C1orf21: variants seen among roughly 807,000 people sequenced by gnomAD.
C1orf21 encodes chromosome 1 open reading frame 21, also known as uncharacterized protein C1orf21.
In C1orf21, 3 loss-of-function variants were observed where a neutral mutation model predicts 18.7. The ratio of observed to expected loss-of-function variants is 0.16; its 90% CI spans 0.07 to 0.42. The LOEUF is 0.42. Ranked by LOEUF, C1orf21 falls within the 10% of genes least tolerant of loss-of-function variation. The pLI, the probability that C1orf21 is intolerant of heterozygous loss-of-function variation, is 0.99. For synonymous variants in C1orf21, 41 were observed against 46.4 expected (o/e 0.88, Z 0.47); for missense variants, 104 against 143.6 (o/e 0.72, Z 1.41).
rs1366565891 is a variant in C1orf21, at chr1:184,625,557, T to C, written c.*6001T>C. ...TAACACACATACACATACACGCGCATACATACATATACAGAGAGATACGTG... is the reference window on the plus strand; with the variant it reads ...TAACACACATACACATACACGCGCACACATACATATACAGAGAGATACGTG... On this transcript the variant is annotated 3_prime_UTR_variant, in exon 6 of 6. Transcript: ENST00000235307. 6.6e-6 allele frequency: 1 copy of C among 152,502 alleles called. No individual in the cohort carries two copies. The allele number at this position is 152,502 out of a possible 1,614,324, so 9.4% of individuals were successfully genotyped here. A position where few individuals can be genotyped will look rare whatever the true frequency, so the allele number is the denominator to read the frequency against.
At chr1:184,554,509 T>C (rs1571412427) in intron 3 of C1orf21, among the ~76,000 whole-genome samples, 1 of 152,230 alleles carries the variant, frequency 6.6e-6, no homozygotes, top group South Asian at 2.1e-4. Flanking sequence ...AAAGGAAATT[T>C]TGCTGTGTTA....
chr1:184,576,914 C>T (rs1300362897), intron 3 of C1orf21, among the ~76,000 whole-genome samples: 1 of 152,128 alleles, frequency 6.6e-6, no homozygotes, highest in African/African-American at 2.4e-5. Context: ...CATCCCCTGC[C>T]GGCCTGCACT....
Position 184,598,840 on chromosome 1 carries a change from G to T in C1orf21, c.327+379G>T, listed in dbSNP as rs527383828. Among the ~76,000 whole-genome samples, 32 of 152,302 alleles carry T rather than the reference G, an allele frequency of 2.1e-4. 1 individual carries two copies. In the South Asian group the frequency reaches 6.6e-3, roughly 32 times the overall value. ...GAAACCTATCGAGGGCCTATGCATG[G>T]CACTGATCTGAGTTCTTTGCAAGCA... On this transcript the variant is annotated intron_variant, in intron 5 of 5. Transcript: ENST00000235307.
At chr1:184,445,422 A>G (rs1571360991) in intron 1 of C1orf21, among the ~76,000 whole-genome samples, 2 of 136,194 alleles carry the variant, frequency 1.5e-5, no homozygotes. Flanking sequence ...TAAACTTTCC[A>G]CTCTTTACCC....
At chr1:184,502,433 G>A (rs1657990208) in intron 2 of C1orf21, among the ~76,000 whole-genome samples, 1 of 152,062 alleles carries the variant, frequency 6.6e-6, no homozygotes, top group South Asian at 2.1e-4. Context: ...AATTTTGGAG[G>A]GAACGTCAAC....
chr1:184,559,925 T>G (rs1658938442), intron 3 of C1orf21, among the ~76,000 whole-genome samples: 1 of 152,132 alleles, frequency 6.6e-6, no homozygotes, highest in Non-Finnish European at 1.5e-5. Flanking sequence ...CTGACTTTTG[T>G]ATTTTTTGTA....
intron 1 of C1orf21, among the ~76,000 whole-genome samples, chr1:184,408,044 T>C (rs532058098): frequency 6.6e-6 from 1 of 152,298 alleles, no homozygotes; most frequent in African/African-American, 2.4e-5. Context: ...ACAGACAGTC[T>C]GAGTTCTCAT....
intron 5 of C1orf21, among the ~76,000 whole-genome samples, chr1:184,617,450 CTTG>C (rs1659845499): frequency 2.6e-5 from 4 of 152,200 alleles, no homozygotes; most frequent in South Asian, 2.1e-4. Context: ...TTGTATGTGT[CTTG>C]TTCCCCAGAT....
At position 184,626,850 on chromosome 1, in the gene C1orf21, C is replaced by T. The variant is rs189318275; in HGVS notation, c.*7294C>T. On this transcript the variant is annotated 3_prime_UTR_variant, in exon 6 of 6. Coordinates refer to ENST00000235307, the MANE Select transcript of C1orf21 (RefSeq NM_030806.4). The stretch of plus-strand genomic sequence containing the variant: ...ATGACCTTCTTTAGAGCCACTAAGG[C>T]GAAAAATACCGTTTGGGACCAGGCT... 328 of 152,602 alleles carry T rather than the reference C, an allele frequency of 2.1e-3. 2 individuals are homozygous for T. The highest frequency in any genetic ancestry group is 2.9e-3 in the East Asian group (15 of 5,164). The allele number at this position is 152,602 out of a possible 1,614,324, so 9.5% of individuals were successfully genotyped here.
At chr1:184,480,579 T>G (rs935153485) in intron 2 of C1orf21, among the ~76,000 whole-genome samples, 1 of 152,206 alleles carries the variant, frequency 6.6e-6, no homozygotes, top group African/African-American at 2.4e-5. Context: ...GAGCTTTGTG[T>G]TAGTCAACTA....
intron 3 of C1orf21, among the ~76,000 whole-genome samples, chr1:184,581,110 C>T (rs923978984): frequency 1.1e-4 from 17 of 152,006 alleles, no homozygotes; most frequent in African/African-American, 1.7e-4. Context: ...CTGTGCTGGT[C>T]GTGTAGTGTG....
rs1456569803 is a variant in C1orf21 at position 184,548,432 on chromosome 1, T to C, written c.189+40750T>C. Among the ~76,000 whole-genome samples the C allele has an allele frequency of 3.3e-5, 5 of 150,360 alleles. No homozygotes were observed. In the East Asian group the frequency reaches 9.8e-4, roughly 30 times the overall value. On this transcript the variant is annotated intron_variant, in intron 3 of 5. Coordinates refer to ENST00000235307, the MANE Select transcript of C1orf21 (RefSeq NM_030806.4). The stretch of plus-strand genomic sequence containing the variant: ...CTCTTTTTTTTTTTTTTTTTTTTGT[T>C]GAGACGGAGTCTCCCTCTGTCGCCC...
intron 5 of C1orf21, among the ~76,000 whole-genome samples, chr1:184,603,050 C>T (rs1014407394): frequency 6.6e-6 from 1 of 152,240 alleles, no homozygotes; most frequent in Admixed American, 6.5e-5. Flanking sequence ...ATGCACAAAT[C>T]ATATACACAA....
At chr1:184,408,936 A>G (rs1387987849) in intron 1 of C1orf21, among the ~76,000 whole-genome samples, 1 of 152,222 alleles carries the variant, frequency 6.6e-6, no homozygotes, top group Admixed American at 6.5e-5. Context: ...ACATTTTAGA[A>G]CAAAGTCTGT....
intron 3 of C1orf21, among the ~76,000 whole-genome samples, chr1:184,528,805 T>G (rs1486952082): frequency 6.6e-6 from 1 of 152,230 alleles, no homozygotes; most frequent in African/African-American, 2.4e-5. Flanking sequence ...TTAGCTTTTA[T>G]CTTGCTGTTG....
intron 3 of C1orf21, among the ~76,000 whole-genome samples, chr1:184,545,286 G>C (rs959185104): frequency 1.3e-5 from 2 of 151,936 alleles, no homozygotes; most frequent in African/African-American, 4.8e-5. Context: ...CTGTTAAAAA[G>C]AATAAAAAAT....
intron 2 of C1orf21, among the ~76,000 whole-genome samples, chr1:184,494,791 G>C (rs1420146915): frequency 1.3e-5 from 2 of 151,814 alleles, no homozygotes; most frequent in African/African-American, 4.8e-5. Flanking sequence ...TTTTTAAGAT[G>C]GGGCTGTAAG....
At chr1:184,437,415 T>C (rs1476760808) in intron 1 of C1orf21, among the ~76,000 whole-genome samples, 1 of 151,230 alleles carries the variant, frequency 6.6e-6, no homozygotes, top group South Asian at 2.1e-4. Context: ...TGGCGCTTTG[T>C]TTTTCCTCCC....
chr1:184,423,468 A>G (rs1303275341), intron 1 of C1orf21, among the ~76,000 whole-genome samples: 2 of 152,218 alleles, frequency 1.3e-5, no homozygotes, highest in African/African-American at 2.4e-5. Flanking sequence ...TGAATAGGCA[A>G]TGGGGAGCCA....
Sources: gnomAD v4.1 joint callset for allele counts (sites outside exome capture counted in the v4.1 genomes callset) on GRCh38, gnomAD v4.1.1 for gene constraint, MANE v1.5 for transcripts, NCBI Gene and HGNC (gene_info 2026-07-23, HGNC 2026-07-21) for gene names.